MACROD2: variants seen among roughly 807,000 people sequenced by gnomAD.
The protein encoded by MACROD2 is ADP-ribose glycohydrolase MACROD2.
In MACROD2, 36 loss-of-function variants were observed where a neutral mutation model predicts 70.4. The ratio of observed to expected loss-of-function variants is 0.51; its 90% CI spans 0.39 to 0.68. The LOEUF (loss-of-function observed/expected upper bound fraction) is 0.68, where lower values mean the gene tolerates loss of function less well. Among genes scored for constraint, MACROD2 ranks in the 30% least tolerant of loss-of-function variants. MACROD2 has a pLI of 0.00. For missense variants in MACROD2, 496 were observed against 538.4 expected, an observed-to-expected ratio of 0.92 and a Z score of 0.78; for synonymous variants, 172 against 178.8, an observed-to-expected ratio of 0.96 and a Z score of 0.30.
At chr20:14,308,539 GGACTT>G (rs1236216686) in intron 3 of MACROD2, among the ~76,000 whole-genome samples, 1 of 152,086 alleles carries the variant, frequency 6.6e-6, no homozygotes, top group African/African-American at 2.4e-5. Flanking sequence ...CAGGCAAACT[GGACTT>G]ATTATTAGCA....
chr20:14,454,373 G>A (rs1600253066), intron 3 of MACROD2, among the ~76,000 whole-genome samples: 1 of 149,220 alleles, frequency 6.7e-6, no homozygotes, highest in Non-Finnish European at 1.5e-5. Flanking sequence ...TTCAATAGCT[G>A]TAAATTTTTA....
chr20:15,183,865 C>A (rs1245341685), intron 5 of MACROD2, among the ~76,000 whole-genome samples: 4 of 152,196 alleles, frequency 2.6e-5, no homozygotes, highest in Non-Finnish European at 5.9e-5. Flanking sequence ...ATGAGGATAA[C>A]CTATCAAATA....
At chr20:14,868,156 A>G (rs956524460) in intron 5 of MACROD2, among the ~76,000 whole-genome samples, 3 of 151,038 alleles carry the variant, frequency 2.0e-5, no homozygotes, top group Non-Finnish European at 2.9e-5. Flanking sequence ...AGAGGGTTCC[A>G]TCTCTCTCCC....
intron 6 of MACROD2, among the ~76,000 whole-genome samples, chr20:15,260,828 T>C (rs1465762263): frequency 6.6e-6 from 1 of 152,084 alleles, no homozygotes; most frequent in Non-Finnish European, 1.5e-5. Context: ...AATAATGTAA[T>C]AATGTATTTA....
chr20:14,911,377 A>G (rs2074025374), intron 5 of MACROD2, among the ~76,000 whole-genome samples: 1 of 151,698 alleles, frequency 6.6e-6, no homozygotes, highest in Admixed American at 6.6e-5. Flanking sequence ...GGCTCTGATC[A>G]CTTTTTTTCC....
At chr20:14,473,994 A>ATTATTTTATTTTTATTTTATTATTAT (rs2084560522) in intron 3 of MACROD2, among the ~76,000 whole-genome samples, 2 of 151,716 alleles carry the variant, frequency 1.3e-5, no homozygotes, top group African/African-American at 4.8e-5. Flanking sequence ...TTATAGTTGG[A>ATTATTTTATTTTTATTTTATTATTAT]TTATTTTATT....
intron 6 of MACROD2, among the ~76,000 whole-genome samples, chr20:15,324,962 T>A (rs2077912152): frequency 6.6e-6 from 1 of 150,428 alleles, no homozygotes; most frequent in Non-Finnish European, 1.5e-5. Context: ...TCTGCTCCTA[T>A]GTAAAAGGGC....
chr20:14,509,640 T>G (rs1357679765), intron 4 of MACROD2, among the ~76,000 whole-genome samples: 1 of 151,986 alleles, frequency 6.6e-6, no homozygotes, highest in African/African-American at 2.4e-5. Flanking sequence ...GTTTCTTATC[T>G]CTAATGAAGT....
intron 3 of MACROD2, among the ~76,000 whole-genome samples, chr20:14,304,606 C>G (rs2082503929): frequency 6.6e-6 from 1 of 152,038 alleles, no homozygotes; most frequent in African/African-American, 2.4e-5. Context: ...AGGTTATATC[C>G]AACAGTTTAT....
chr20:15,575,458 C>T (rs962628316), intron 8 of MACROD2, among the ~76,000 whole-genome samples: 2 of 152,102 alleles, frequency 1.3e-5, no homozygotes, highest in African/African-American at 4.8e-5. Flanking sequence ...AATACCAGCT[C>T]TAGTGAGGAC....
chr20:15,552,469 T>C (rs780983545), intron 8 of MACROD2: 3 of 152,096 alleles, frequency 2.0e-5, no homozygotes, highest in Non-Finnish European at 4.4e-5. Context: ...GGTTTTGGGG[T>C]GTTTTTGTTT....
intron 3 of MACROD2, among the ~76,000 whole-genome samples, chr20:14,349,102 A>C (rs561760253): frequency 6.6e-6 from 1 of 152,154 alleles, no homozygotes; most frequent in South Asian, 2.1e-4. Flanking sequence ...TAAATGGAAA[A>C]TAAAAATAAT....
intron 3 of MACROD2, among the ~76,000 whole-genome samples, chr20:14,198,662 G>C (rs1188738208): frequency 6.6e-6 from 1 of 152,096 alleles, no homozygotes; most frequent in Non-Finnish European, 1.5e-5. Flanking sequence ...TTTCTGGTTT[G>C]GTAACAGACA....
intron 5 of MACROD2, among the ~76,000 whole-genome samples, chr20:15,184,359 G>C (rs1376942489): frequency 6.6e-6 from 1 of 151,582 alleles, no homozygotes; most frequent in African/African-American, 2.4e-5. Context: ...ACTGCCCCCT[G>C]TTTTTACCTA....
chr20:14,279,172 T>G (rs2082283727), intron 3 of MACROD2, among the ~76,000 whole-genome samples: 1 of 152,172 alleles, frequency 6.6e-6, no homozygotes, highest in African/African-American at 2.4e-5. Flanking sequence ...GAAATAACAT[T>G]TTTGGAGTTA....
At chr20:15,535,813 A>G (rs1258677135) in intron 8 of MACROD2, among the ~76,000 whole-genome samples, 1 of 152,168 alleles carries the variant, frequency 6.6e-6, no homozygotes, top group Non-Finnish European at 1.5e-5. Flanking sequence ...ATAATTATGG[A>G]TGAGAAATAA....
chr20:14,431,008 G>T (rs1390896477), intron 3 of MACROD2, among the ~76,000 whole-genome samples: 1 of 152,098 alleles, frequency 6.6e-6, no homozygotes, highest in Non-Finnish European at 1.5e-5. Context: ...ATTTGTTTAA[G>T]AGAGAAATAA....
At chr20:14,260,884 G>T (rs927747117) in intron 3 of MACROD2, among the ~76,000 whole-genome samples, 1 of 152,174 alleles carries the variant, frequency 6.6e-6, no homozygotes, top group Non-Finnish European at 1.5e-5. Context: ...TATGTGGAAG[G>T]CCTATTCCAT....
intron 6 of MACROD2, among the ~76,000 whole-genome samples, chr20:15,254,537 G>T (rs899674333): frequency 4.6e-5 from 7 of 151,922 alleles, no homozygotes; most frequent in Non-Finnish European, 1.5e-5. Context: ...TGTAGACTGG[G>T]GATATTAATG....
Sources: allele counts gnomAD v4.1 joint callset (sites outside exome capture counted in the v4.1 genomes callset), GRCh38; gene constraint gnomAD v4.1.1; transcripts MANE v1.5; gene names NCBI Gene and HGNC (gene_info 2026-07-23, HGNC 2026-07-21).